DCLK1: variants seen among roughly 807,000 people sequenced by gnomAD.
The protein encoded by DCLK1 is doublecortin like kinase 1, also known as serine/threonine-protein kinase DCLK1.
In DCLK1, 16 loss-of-function variants were observed where a neutral mutation model predicts 86.2. The observed-to-expected ratio is 0.19, with a 90% CI of 0.13 to 0.28. The LOEUF is 0.28. DCLK1 is among the 10% of genes least tolerant of loss of function. The pLI is 1.00. For synonymous variants in DCLK1, 369 were observed against 370.5 expected (o/e 1.00, Z 0.05); for missense variants, 590 against 940.2 (o/e 0.63, Z 4.87).
At chr13:36,080,228 G>T (rs1441681590) in intron 3 of DCLK1, among the ~76,000 whole-genome samples, 1 of 152,170 alleles carries the variant, frequency 6.6e-6, no homozygotes, top group African/African-American at 2.4e-5. Flanking sequence ...GGCCTAGCTT[G>T]TGCGGATAAC....
Position 35,815,694 on chromosome 13 carries a change from C to T in DCLK1, c.1555-4726G>A, listed in dbSNP as rs1230306997. Reference sequence around the variant, plus strand: ...TTATGATGCTTTCTGAGGAAAATGGCTTAAATTTAAATCTTTAATCTTTAA... The same window carrying T: ...TTATGATGCTTTCTGAGGAAAATGGTTTAAATTTAAATCTTTAATCTTTAA... On this transcript the variant is annotated intron_variant, in intron 11 of 16. Transcript: ENST00000360631. 5.9e-5 allele frequency among the ~76,000 whole-genome samples: 9 copies of T among 152,074 alleles called. No individual in the cohort carries two copies. In the South Asian group the frequency reaches 1.0e-3, roughly 18 times the overall value.
At chr13:36,117,756 A>C (rs555902410) in intron 2 of DCLK1, among the ~76,000 whole-genome samples, 2 of 152,334 alleles carry the variant, frequency 1.3e-5, no homozygotes, top group South Asian at 4.1e-4. Context: ...CACTCTGGGA[A>C]GGGAAAGAAA....
At chr13:35,929,880 TA>T (rs1876333349) in intron 4 of DCLK1, among the ~76,000 whole-genome samples, 1 of 137,050 alleles carries the variant, frequency 7.3e-6, no homozygotes, top group Non-Finnish European at 1.6e-5. Flanking sequence ...TTTTTTTTAC[TA>T]AAAGCTTATC....
intron 3 of DCLK1, among the ~76,000 whole-genome samples, chr13:35,972,228 TC>T (rs1879099103): frequency 6.6e-6 from 1 of 152,150 alleles, no homozygotes; most frequent in Non-Finnish European, 1.5e-5. Flanking sequence ...GCAAGTTCTT[TC>T]CTCATGTAGA....
chr13:35,788,072 G>T (rs1240134831), intron 16 of DCLK1: 4 of 813,434 alleles, frequency 4.9e-6, no homozygotes, highest in Non-Finnish European at 8.4e-6. Context: ...TCTCAATCAA[G>T]ATTAAAATGA....
At chr13:35,901,555 G>A (rs1015020743) in intron 4 of DCLK1, among the ~76,000 whole-genome samples, 8 of 149,722 alleles carry the variant, frequency 5.3e-5, no homozygotes, top group East Asian at 4.0e-4. Flanking sequence ...GTGGCCTTGC[G>A]GGGAGGAAAT....
At chr13:36,107,983 C>T (rs1190220533) in intron 3 of DCLK1, among the ~76,000 whole-genome samples, 1 of 152,024 alleles carries the variant, frequency 6.6e-6, no homozygotes, top group Non-Finnish European at 1.5e-5. Flanking sequence ...CAGATCCTCC[C>T]CTTGGACATG....
At position 35,857,875 on chromosome 13, in the gene DCLK1, A is replaced by C. The variant is rs575592791; in HGVS notation, c.941-3282T>G. 9.8e-5 allele frequency among the ~76,000 whole-genome samples: 15 copies of C among 152,322 alleles called. No individual in the cohort carries two copies. The South Asian group carries it at 3.1e-3, about 32-fold the overall frequency. The stretch of plus-strand genomic sequence containing the variant: ...CAGTGTGGTACACTGAAGAGACTTA[A>C]ATAACTAAGTAAAGCAAGTATGTGG... On this transcript the variant is annotated intron_variant, in intron 5 of 16. Transcript: ENST00000360631.
chr13:35,958,264 T>C (rs147421408), intron 3 of DCLK1, among the ~76,000 whole-genome samples: 835 of 27,766 alleles, frequency 0.03, 113 homozygotes, highest in Middle Eastern at 0.15. Context: ...ACCACTACTA[T>C]AACCATTACC....
intron 1 of DCLK1, among the ~76,000 whole-genome samples, chr13:36,126,384 G>A (rs957679533): frequency 1.3e-5 from 2 of 152,032 alleles, no homozygotes; most frequent in African/African-American, 4.8e-5. Flanking sequence ...CAGGTTACAG[G>A]TGCCTGCACC....
chr13:36,102,348 G>A (rs1039703997), intron 3 of DCLK1, among the ~76,000 whole-genome samples: 3 of 152,020 alleles, frequency 2.0e-5, no homozygotes, highest in Admixed American at 6.5e-5. Flanking sequence ...AAGATCTCTT[G>A]TAGGGGCACT....
At chr13:35,846,255 T>C in intron 6 of DCLK1, 7 of 984,882 alleles carry the variant, frequency 7.1e-6, no homozygotes, top group Non-Finnish European at 8.4e-6. Context: ...ATTTACAACA[T>C]TCATAATATA....
At chr13:36,097,472 T>C (rs983201394) in intron 3 of DCLK1, among the ~76,000 whole-genome samples, 3 of 152,224 alleles carry the variant, frequency 2.0e-5, no homozygotes, top group Non-Finnish European at 4.4e-5. Context: ...ACTGTATATC[T>C]CTGTGATGTG....
At chr13:35,885,141 CA>C (rs1232791141) in intron 4 of DCLK1, among the ~76,000 whole-genome samples, 2 of 152,080 alleles carry the variant, frequency 1.3e-5, no homozygotes, top group Admixed American at 6.5e-5. Context: ...AGAGATTGTC[CA>C]CCAGGAATGA....
In DCLK1 at chr13:36,125,754, G is replaced by A. The variant is rs2138220203; in HGVS notation, c.376+8C>T. 6.2e-7 allele frequency: 1 copy of A among 1,609,456 alleles called. No homozygotes were observed. The highest frequency in any genetic ancestry group is 1.3e-5 in the African/African-American group (1 of 74,992). The stretch of plus-strand genomic sequence containing the variant: ...AGGGTCACGTGGGGGTTATCTCACA[G>A]CGCTCACCTTCCACCAGTTGGTCCA... On this transcript the variant is annotated splice_region_variant and intron_variant, in intron 2 of 16. Coordinates refer to ENST00000360631, the MANE Select transcript of DCLK1 (RefSeq NM_001330071.2).
intron 3 of DCLK1, among the ~76,000 whole-genome samples, chr13:36,007,791 C>T (rs1232715626): frequency 1.3e-5 from 2 of 152,122 alleles, no homozygotes; most frequent in East Asian, 3.9e-4. Context: ...ACTAACGAAA[C>T]TGATTTGTTC....
chr13:35,885,207 A>G (rs536755958), intron 4 of DCLK1, among the ~76,000 whole-genome samples: 1 of 152,160 alleles, frequency 6.6e-6, no homozygotes, highest in Non-Finnish European at 1.5e-5. Flanking sequence ...AAGACCTCCA[A>G]CCTGAATCCA....
At chr13:35,917,830 C>T (rs1875522701) in intron 4 of DCLK1, among the ~76,000 whole-genome samples, 1 of 151,980 alleles carries the variant, frequency 6.6e-6, no homozygotes, top group Non-Finnish European at 1.5e-5. Context: ...GGCGGGGAGG[C>T]CTCCAGTGGA....
rs767568121 is a variant in DCLK1, at chr13:35,839,077, T to C, written c.1120+15A>G. On this transcript the variant is annotated intron_variant, in intron 7 of 16. Transcript: ENST00000360631. ...ATCCTCTGCCTCCTCAGATACCAAG[T>C]CCCAAGCTCATCACCTTCTCCAGGG... is the stretch of plus-strand genomic sequence containing the variant. 5 of 1,589,288 alleles carry C rather than the reference T, an allele frequency of 3.1e-6. No homozygotes were observed. The highest frequency in any genetic ancestry group is 1.7e-6 in the Non-Finnish European group (2 of 1,167,656).
Sources: allele counts gnomAD v4.1 joint callset (sites outside exome capture counted in the v4.1 genomes callset), GRCh38; gene constraint gnomAD v4.1.1; transcripts MANE v1.5; gene names NCBI Gene and HGNC (gene_info 2026-07-23, HGNC 2026-07-21).